The following SLCO3A1 variants were observed in gnomAD, a reference collection of about 807,000 sequenced individuals.
The protein encoded by SLCO3A1 is solute carrier organic anion transporter family member 3A1.
SLCO3A1 carries 27 observed loss-of-function variants against 63.1 expected under a neutral mutation model. The observed-to-expected ratio is 0.43, with a 90% confidence interval of 0.32 to 0.59. The LOEUF is 0.59. SLCO3A1 is among the 20% of genes least tolerant of loss of function. The pLI is 0.09. For synonymous variants in SLCO3A1, 473 were observed against 409.9 expected (o/e 1.15, Z -1.86); for missense variants, 773 against 945.8 (o/e 0.82, Z 2.40).
At chr15:92,146,549 A>AATATGCGGGTTACCTGATTTACTTCTTTT (rs1389450423) in intron 7 of SLCO3A1, among the ~76,000 whole-genome samples, 56 of 152,346 alleles carry the variant, frequency 3.7e-4, no homozygotes, top group African/African-American at 1.3e-3. Context: ...CACCAGCAAC[A>AATATGCGGGTTACCTGATTTACTTCTTTT]ATATGCGGGT....
chr15:91,893,449 G>C (rs541764407), intron 1 of SLCO3A1, among the ~76,000 whole-genome samples: 19 of 152,286 alleles, frequency 1.2e-4, no homozygotes, highest in African/African-American at 4.3e-4. Flanking sequence ...GTAAGGGCCT[G>C]CTTTCTGGTT....
chr15:91,915,921 G>A, intron 1 of SLCO3A1, 72 bp from the exon 2 acceptor site: 1 of 1,327,634 alleles, frequency 7.5e-7, no homozygotes, highest in South Asian at 1.2e-5. Context: ...AGAGCGCACT[G>A]TCAGGCGGGA....
chr15:92,139,870 T>C lies in SLCO3A1; in HGVS notation c.1513-7114T>C, dbSNP rs200738495. 0.023 allele frequency among the ~76,000 whole-genome samples: 3,405 copies of C among 149,294 alleles called. 387 individuals carry two copies. The East Asian group carries it at 0.35, about 15-fold the overall frequency. ...TGTCTATTTGATTCTTCTCTCTTTT[T>C]TTCTTTATTAGTCTTGCTAGCGGTC... On this transcript the variant is annotated intron_variant, in intron 7 of 9. Transcript: ENST00000318445.
chr15:92,140,932 C>A (rs2048123628), intron 7 of SLCO3A1, among the ~76,000 whole-genome samples: 2 of 152,150 alleles, frequency 1.3e-5, no homozygotes, highest in Admixed American at 1.3e-4. Flanking sequence ...AAAACTTGAG[C>A]TCTGACCAAC....
chr15:92,038,826 A>G (rs2046759619), intron 2 of SLCO3A1, among the ~76,000 whole-genome samples: 1 of 152,238 alleles, frequency 6.6e-6, no homozygotes, highest in Non-Finnish European at 1.5e-5. Flanking sequence ...ACAAAGCTGG[A>G]TAAATCATAC....
chr15:91,979,528 C>T (rs966590964), intron 2 of SLCO3A1, among the ~76,000 whole-genome samples: 1 of 152,134 alleles, frequency 6.6e-6, no homozygotes, highest in Non-Finnish European at 1.5e-5. Flanking sequence ...AACCTTTCTT[C>T]TTTCTACCTC....
chr15:91,978,414 CT>C (rs1469487496), intron 2 of SLCO3A1, among the ~76,000 whole-genome samples: 11 of 152,178 alleles, frequency 7.2e-5, no homozygotes, highest in Admixed American at 5.9e-4. Flanking sequence ...AACATGTGGC[CT>C]TTTAGATTGA....
Position 91,854,341 on chromosome 15 carries a change from G to A in SLCO3A1, c.180+253G>A, listed in dbSNP as rs532746672. ...GCGTCCGGCTGGGGCAGGGGGTGCC[G>A]GGGGAGGAGAGGCGGCGGGCAGGTG... is the stretch of plus-strand genomic sequence containing the variant. On this transcript the variant is annotated intron_variant, in intron 1 of 9. Coordinates refer to ENST00000318445, the MANE Select transcript of SLCO3A1 (RefSeq NM_013272.4). This position sits in a 1 kb window ranked among gnomAD's most constrained non-coding sequence, Gnocchi z 6.4. 1.1e-5 allele frequency: 12 copies of A among 1,126,500 alleles called. No homozygotes were observed. Among genetic ancestry groups the A allele is most frequent in the Middle Eastern group, 2.6e-4 (1 of 3,884 alleles). 69.8% of individuals were successfully genotyped at this position (1,126,500 alleles called of 1,614,324 possible).
At chr15:91,926,244 C>T (rs1385138553) in intron 2 of SLCO3A1, among the ~76,000 whole-genome samples, 1 of 152,200 alleles carries the variant, frequency 6.6e-6, no homozygotes, top group Non-Finnish European at 1.5e-5. Context: ...ATCCCCTCTC[C>T]ACCTTTCTCC....
At chr15:92,120,362 G>A in intron 4 of SLCO3A1, 103 bp from the exon 5 acceptor site, 2 of 1,226,356 alleles carry the variant, frequency 1.6e-6, no homozygotes, top group Non-Finnish European at 2.3e-6. Flanking sequence ...TTGCTGAAAT[G>A]GACAAGAGCG....
rs545161150 is a variant in SLCO3A1, at chr15:92,171,569, A to G, written c.1997-211A>G. 16 of 529,850 alleles carry G rather than the reference A, an allele frequency of 3.0e-5. No homozygotes were observed. The East Asian group carries it at 4.3e-4, about 14-fold the overall frequency. 32.8% of individuals were successfully genotyped at this position (529,850 alleles called of 1,614,324 possible). On this transcript the variant is annotated intron_variant, in intron 10 of 10. Transcript: ENST00000424469. ...TAGATAAATATCCTTCCCAGAAAGG[A>G]TATTTGGCCTTCAAAAAAGTCTCTG...
At chr15:91,986,690 C>T (rs562009528) in intron 2 of SLCO3A1, among the ~76,000 whole-genome samples, 1 of 152,098 alleles carries the variant, frequency 6.6e-6, no homozygotes, top group South Asian at 2.1e-4. Flanking sequence ...CTGGACAGGG[C>T]AGCCCCAGAG....
intron 1 of SLCO3A1, among the ~76,000 whole-genome samples, chr15:91,898,278 T>C (rs923138984): frequency 3.9e-5 from 6 of 152,238 alleles, no homozygotes; most frequent in African/African-American, 1.2e-4. Flanking sequence ...GGAGAGACAA[T>C]GCCTCTATTC....
chr15:91,880,170 C>CATCT (rs57860021), intron 1 of SLCO3A1, among the ~76,000 whole-genome samples: 53 of 126,270 alleles, frequency 4.2e-4, no homozygotes, highest in East Asian at 9.9e-4. Flanking sequence ...TCCATCCATC[C>CATCT]ATCTATCTAT....
intron 2 of SLCO3A1, among the ~76,000 whole-genome samples, chr15:91,981,209 C>T (rs1188872445): frequency 1.3e-5 from 2 of 152,178 alleles, no homozygotes; most frequent in Non-Finnish European, 1.5e-5. Flanking sequence ...GTCCTTCTCC[C>T]ACCAGCCAGA....
At position 91,933,578 on chromosome 15, in the gene SLCO3A1, G is replaced by T. The variant is rs77793746; in HGVS notation, c.646+17120G>T. Among the ~76,000 whole-genome samples the T allele has an allele frequency of 4.3e-4, 66 of 152,256 alleles. 1 individual carries two copies. The East Asian group carries it at 0.012, about 28-fold the overall frequency. Reference sequence around the variant, plus strand: ...AGTATATAAAGGATCAGGATAACAAGCAGTACATAGAGACATAGAATCATT... The same window carrying T: ...AGTATATAAAGGATCAGGATAACAATCAGTACATAGAGACATAGAATCATT... On this transcript the variant is annotated intron_variant, in intron 2 of 9. Coordinates refer to ENST00000318445, the MANE Select transcript of SLCO3A1 (RefSeq NM_013272.4).
chr15:92,040,024 T>G (rs1417315477), intron 2 of SLCO3A1, among the ~76,000 whole-genome samples: 1 of 152,040 alleles, frequency 6.6e-6, no homozygotes, highest in African/African-American at 2.4e-5. Context: ...TGAGAACACA[T>G]GCACAAACAC....
intron 1 of SLCO3A1, among the ~76,000 whole-genome samples, chr15:91,861,442 G>A (rs553447879): frequency 6.6e-6 from 1 of 152,142 alleles, no homozygotes; most frequent in Non-Finnish European, 1.5e-5. Flanking sequence ...TTAGCAGCTC[G>A]ATTGTTTAGT....
chr15:91,882,505 C>T lies in SLCO3A1; in HGVS notation c.180+28417C>T, dbSNP rs578110992. Among the ~76,000 whole-genome samples the T allele has an allele frequency of 1.3e-5, 2 of 152,168 alleles. No individual in the cohort carries two copies. Among genetic ancestry groups the T allele is most frequent in the African/African-American group, 4.8e-5 (2 of 41,520 alleles). On this transcript the variant is annotated intron_variant, in intron 1 of 9. Transcript: ENST00000318445. This position sits in a 1 kb window ranked among gnomAD's most constrained non-coding sequence, Gnocchi z 4.4. ...GGGGCCTCCACCCCCACCCCACCCC[C>T]ACTATGTATGACTTCTTTTTTTTCC...
Sources: gnomAD v4.1 joint callset for allele counts (sites outside exome capture counted in the v4.1 genomes callset) on GRCh38, gnomAD v4.1.1 for gene constraint, Gnocchi (gnomAD v3.1) non-coding constraint, MANE v1.5 for transcripts, NCBI Gene and HGNC (gene_info 2026-07-23, HGNC 2026-07-21) for gene names.